The following TG variants were observed in gnomAD, a reference collection of about 807,000 sequenced individuals.
TG encodes thyroid hormones.
Under a neutral mutation model 324.7 loss-of-function variants are expected in TG, and 270 were observed. That is an observed-to-expected ratio of 0.83 (90% CI 0.75 to 0.92). The LOEUF is 0.92. TG is among the 40% of genes least tolerant of loss of function. TG has a pLI of 0.00. For synonymous variants in TG, 1,401 were observed against 1,327.0 expected, an observed-to-expected ratio of 1.06 and a Z score of -1.21; for missense variants, 3,591 against 3,456.4, an observed-to-expected ratio of 1.04 and a Z score of -0.98.
intron 16 of TG, among the ~76,000 whole-genome samples, chr8:132,905,921 T>C (rs712055): frequency 0.48 from 73,589 of 151,870 alleles, 21,151 homozygotes; most frequent in Non-Finnish European, 0.62. Flanking sequence ...CTTGGAGGTG[T>C]GTTCAGGGAG....
intron 41 of TG, among the ~76,000 whole-genome samples, chr8:133,042,154 G>A (rs1020538821): frequency 1.3e-5 from 2 of 152,088 alleles, no homozygotes; most frequent in South Asian, 2.1e-4. Flanking sequence ...AACTTACTCA[G>A]GGCCGTAGAA....
intron 41 of TG, chr8:133,050,112 C>G (rs750227944): frequency 4.0e-6 from 3 of 741,148 alleles, no homozygotes; most frequent in African/African-American, 1.7e-5. Flanking sequence ...AGATCTGTCA[C>G]TGGCCACGTT....
Position 132,962,943 on chromosome 8 carries a change from A to G in TG, c.5468-51A>G, listed in dbSNP as rs771552888. ...CTACTACCATTTTGTTGACCAGTGG[A>G]GTACTACCCATTCTCCCCAACATTG... On this transcript the variant is annotated intron_variant, in intron 28 of 47. Transcript: ENST00000220616. 4 of 1,538,578 alleles carry G rather than the reference A, an allele frequency of 2.6e-6. No homozygotes were observed. The South Asian group carries it at 4.5e-5, about 17-fold the overall frequency.
chr8:133,019,550 G>C, intron 38 of TG, 52 bp from the exon 39 acceptor site: 1 of 1,495,282 alleles, frequency 6.7e-7, no homozygotes, highest in South Asian at 1.1e-5. Context: ...TGGTGGGTGG[G>C]GAGGGGTGGT....
chr8:132,972,160 T>C, intron 33 of TG: 1 of 478,228 alleles, frequency 2.1e-6, no homozygotes, highest in Non-Finnish European at 3.8e-6. Flanking sequence ...GCCAAGCAGC[T>C]TGGCGAACTT....
At chr8:133,104,654 CAG>C (rs1230372079) in intron 43 of TG, among the ~76,000 whole-genome samples, 1 of 152,136 alleles carries the variant, frequency 6.6e-6, no homozygotes, top group Admixed American at 6.5e-5. Context: ...TCAAATGTCA[CAG>C]AGTCAAGAGA....
intron 35 of TG, among the ~76,000 whole-genome samples, chr8:132,996,269 C>T (rs1004396748): frequency 2.0e-5 from 3 of 152,188 alleles, no homozygotes; most frequent in Non-Finnish European, 4.4e-5. Flanking sequence ...ATTAAATCAG[C>T]TTCCCATTAT....
intron 35 of TG, among the ~76,000 whole-genome samples, chr8:133,005,657 T>C (rs1833955751): frequency 6.6e-6 from 1 of 152,224 alleles, no homozygotes; most frequent in Non-Finnish European, 1.5e-5. Flanking sequence ...AGTCACACAG[T>C]GTAGTCTGGC....
rs959519162 is a variant in TG at position 132,928,997 on chromosome 8, A to T, written c.4700-79A>T. 7.7e-6 allele frequency: 9 copies of T among 1,176,140 alleles called. No individual in the cohort carries two copies. The African/African-American group carries it at 1.4e-4, about 18-fold the overall frequency. 72.9% of individuals were successfully genotyped at this position (1,176,140 alleles called of 1,614,324 possible). A position where few individuals can be genotyped will look rare whatever the true frequency, so the allele number is the denominator to read the frequency against. On this transcript the variant is annotated intron_variant, in intron 22 of 47. Coordinates refer to ENST00000220616, the MANE Select transcript of TG (RefSeq NM_003235.5). ...GCTACGAATGGGTATTGACTGCTTG[A>T]CCTAACAGTCTTTATGGCTTCTCTG...
chr8:132,884,253 T>C (rs757259787), intron 8 of TG, among the ~76,000 whole-genome samples: 2 of 152,280 alleles, frequency 1.3e-5, no homozygotes, highest in Non-Finnish European at 2.9e-5. Flanking sequence ...CAACCCAGTA[T>C]GGGGCCAACA....
chr8:132,926,065 G>A (rs192240221), intron 22 of TG, among the ~76,000 whole-genome samples: 19 of 152,322 alleles, frequency 1.2e-4, no homozygotes, highest in African/African-American at 4.3e-4. Flanking sequence ...ATGCCACTAA[G>A]CTGGGCCCTC....
chr8:132,967,334 C>A (rs949137824), intron 30 of TG, among the ~76,000 whole-genome samples: 2 of 152,156 alleles, frequency 1.3e-5, no homozygotes, highest in Non-Finnish European at 2.9e-5. Flanking sequence ...AGAGAACACC[C>A]AAAATGAATC....
intron 1 of TG, 99 bp from the exon 2 acceptor site, chr8:132,868,016 A>C (rs1366772263): frequency 9.3e-7 from 1 of 1,074,216 alleles, no homozygotes; most frequent in African/African-American, 1.5e-5. Context: ...ATAGGTAATG[A>C]TGATGACCCT....
chr8:132,919,769 A>T (rs946368609), intron 21 of TG, among the ~76,000 whole-genome samples: 1 of 152,198 alleles, frequency 6.6e-6, no homozygotes, highest in Non-Finnish European at 1.5e-5. Flanking sequence ...TGGAAATGGC[A>T]GGGAGAGCAA....
In TG at chr8:132,963,355, G is replaced by A. The variant is rs118187271; in HGVS notation, c.5548+281G>A. Reference sequence around the variant, plus strand: ...TAAAACCTGAAAAAAGAAACAAAGAGCAAGGTTCACCTGACTGTGGCCAAT... The same window carrying A: ...TAAAACCTGAAAAAAGAAACAAAGAACAAGGTTCACCTGACTGTGGCCAAT... On this transcript the variant is annotated intron_variant, in intron 29 of 47. Transcript: ENST00000220616. Among the ~76,000 whole-genome samples the A allele has an allele frequency of 6.3e-3, 954 of 152,280 alleles. 3 individuals carry two copies. The highest frequency in any genetic ancestry group is 9.2e-3 in the Non-Finnish European group (626 of 68,026).
chr8:133,018,501 A>C (rs1217893279), intron 38 of TG, among the ~76,000 whole-genome samples: 1 of 149,506 alleles, frequency 6.7e-6, no homozygotes, highest in African/African-American at 2.5e-5. Flanking sequence ...AGCTAATGAA[A>C]TTTTTCCCAC....
chr8:133,006,607 A>T (rs1390041828), intron 35 of TG, among the ~76,000 whole-genome samples: 1 of 152,274 alleles, frequency 6.6e-6, no homozygotes, highest in Admixed American at 6.5e-5. Flanking sequence ...AAATATACAC[A>T]GCTGACTTAG....
intron 35 of TG, chr8:133,002,990 A>T: frequency 9.8e-7 from 1 of 1,020,632 alleles, no homozygotes; most frequent in African/African-American, 1.7e-5. Context: ...ATTCACATGT[A>T]CCTGGCCAAA....
intron 35 of TG, among the ~76,000 whole-genome samples, chr8:133,005,082 G>A (rs1357650775): frequency 2.0e-5 from 3 of 152,222 alleles, no homozygotes; most frequent in Non-Finnish European, 2.9e-5. Context: ...GGAGCACTGG[G>A]GGACAGTAAT....
Sources: gnomAD v4.1 joint callset for allele counts (sites outside exome capture counted in the v4.1 genomes callset) on GRCh38, gnomAD v4.1.1 for gene constraint, MANE v1.5 for transcripts, NCBI Gene and HGNC (gene_info 2026-07-23, HGNC 2026-07-21) for gene names.